Variants in LURAP1L observed in about 807,000 individuals in gnomAD.
LURAP1L encodes leucine rich adaptor protein 1-like.
In LURAP1L, 12 loss-of-function variants were observed where a neutral mutation model predicts 13.8. The ratio of observed to expected loss-of-function variants is 0.87; its 90% CI spans 0.56 to 1.41. The LOEUF (loss-of-function observed/expected upper bound fraction) is 1.41. Among genes scored for constraint, LURAP1L ranks in the 40% most tolerant of loss-of-function variants. LURAP1L has a pLI of 0.00. For missense variants in LURAP1L, 375 were observed against 292.9 expected, an observed-to-expected ratio of 1.28 and a Z score of -2.04; for synonymous variants, 139 against 119.2, an observed-to-expected ratio of 1.17 and a Z score of -1.08.
At chr9:12,787,457 T>C (rs1819373475) in intron 1 of LURAP1L, among the ~76,000 whole-genome samples, 1 of 152,010 alleles carries the variant, frequency 6.6e-6, no homozygotes, top group Non-Finnish European at 1.5e-5. Flanking sequence ...TATAAAAAAA[T>C]TGCAGCTGAT....
At chr9:12,820,878 TTA>T (rs1346410644) in intron 1 of LURAP1L, among the ~76,000 whole-genome samples, 1 of 152,170 alleles carries the variant, frequency 6.6e-6, no homozygotes, top group Non-Finnish European at 1.5e-5. Flanking sequence ...TCATACAGTG[TTA>T]TTAGATTTTG....
intron 1 of LURAP1L, among the ~76,000 whole-genome samples, chr9:12,815,587 A>T (rs181474459): frequency 9.7e-4 from 148 of 152,174 alleles, no homozygotes; most frequent in African/African-American, 3.4e-3. Flanking sequence ...GATGGTTGGG[A>T]TTTACATCTT....
At chr9:12,802,438 C>A (rs1213067134) in intron 1 of LURAP1L, among the ~76,000 whole-genome samples, 1 of 152,096 alleles carries the variant, frequency 6.6e-6, no homozygotes, top group Non-Finnish European at 1.5e-5. Flanking sequence ...TGTGACACAT[C>A]CCCCACTCTC....
At chr9:12,800,484 T>C (rs113073004) in intron 1 of LURAP1L, among the ~76,000 whole-genome samples, 3 of 151,972 alleles carry the variant, frequency 2.0e-5, no homozygotes, top group African/African-American at 4.8e-5. Context: ...TTTACTACAC[T>C]GTCTTCATTA....
At chr9:12,785,426 G>T (rs1033463137) in intron 1 of LURAP1L, among the ~76,000 whole-genome samples, 1 of 152,058 alleles carries the variant, frequency 6.6e-6, no homozygotes, top group African/African-American at 2.4e-5. Flanking sequence ...CACAGTACCA[G>T]AACTTGCCTG....
intron 1 of LURAP1L, among the ~76,000 whole-genome samples, chr9:12,801,403 C>T (rs1353570681): frequency 1.3e-5 from 2 of 151,912 alleles, no homozygotes; most frequent in Non-Finnish European, 2.9e-5. Context: ...GGAATCCATA[C>T]CCCAGTTCCT....
chr9:12,791,119 T>C (rs1194589162), intron 1 of LURAP1L, among the ~76,000 whole-genome samples: 2 of 152,118 alleles, frequency 1.3e-5, no homozygotes, highest in African/African-American at 4.8e-5. Context: ...AGCAAGCTTA[T>C]AGTGAGCATC....
rs569270545 is a variant in LURAP1L at position 12,820,452 on chromosome 9, G to A, written c.313-934G>A. ...CAGGAGGCGGAGCTTGCAGTGAGCC[G>A]AGATTCCGCCACTGCACTCCAGCCT... is the stretch of plus-strand genomic sequence containing the variant. On this transcript the variant is annotated intron_variant, in intron 1 of 1. Transcript: ENST00000319264. Among the ~76,000 whole-genome samples the A allele has an allele frequency of 3.8e-4, 53 of 140,564 alleles. 3 individuals are homozygous for A. The South Asian group carries it at 0.012, about 32-fold the overall frequency. 92.2% of individuals were successfully genotyped at this position (140,564 alleles called of 152,430 possible).
At chr9:12,777,394 C>T in intron 1 of LURAP1L, 1 of 985,134 alleles carries the variant, frequency 1.0e-6, no homozygotes, top group Non-Finnish European at 1.2e-6. Flanking sequence ...AACTATTTTC[C>T]ACAAGAAAAT....
At position 12,775,752 on chromosome 9, in the gene LURAP1L, G is replaced by A. The variant is rs1380760241; in HGVS notation, c.37G>A (p.Glu13Lys). 1.9e-6 allele frequency: 3 copies of A among 1,604,322 alleles called. No individual in the cohort carries two copies. The highest frequency in any genetic ancestry group is 1.8e-5 in the Admixed American group (1 of 56,538). The part of the protein sequence containing the change: ...DSPLPDLRDI[E>K]LKLGRKVPES... ...CCCGCTGCCAGACCTCAGAGACATC[G>A]AGCTGAAGCTGGGGCGCAAAGTACC... Residue 13 changes from glutamate (E) to lysine (K), a missense_variant, in exon 1 of 2, where the codon GAG (glutamate) becomes AAG (lysine). Coordinates refer to ENST00000319264, the MANE Select transcript of LURAP1L (RefSeq NM_203403.2).
intron 1 of LURAP1L, among the ~76,000 whole-genome samples, chr9:12,812,967 G>A (rs1586886858): frequency 1.3e-5 from 2 of 151,904 alleles, no homozygotes; most frequent in South Asian, 2.1e-4. Context: ...AAAAACTTTG[G>A]TATAAATATT....
chr9:12,775,990 G>C lies in LURAP1L; in HGVS notation c.275G>C (p.Arg92Thr). 3 of 1,610,300 alleles carry C rather than the reference G, an allele frequency of 1.9e-6. No individual in the cohort carries two copies. The highest frequency in any genetic ancestry group is 2.5e-6 in the Non-Finnish European group (3 of 1,178,630). ...PRGSHSSALE[R>T]LETKLHLLRQ... ...GGTAGCCACTCTAGCGCCCTGGAGA[G>C]GCTAGAAACCAAGCTTCACCTCCTC... The change falls in exon 1 of 2, where the codon AGG (arginine) becomes ACG (threonine). Residue 92 changes from arginine to threonine, a missense_variant. By Grantham distance (71) the Arg-to-Thr change is moderately conservative. Transcript: ENST00000319264.
At chr9:12,776,427 G>A (rs1173226504) in intron 1 of LURAP1L, among the ~76,000 whole-genome samples, 1 of 152,128 alleles carries the variant, frequency 6.6e-6, no homozygotes, top group African/African-American at 2.4e-5. Context: ...TCAAAAGGTG[G>A]CTCAGTCCAA....
chr9:12,815,446 T>C (rs185657166), intron 1 of LURAP1L, among the ~76,000 whole-genome samples: 19 of 152,272 alleles, frequency 1.2e-4, no homozygotes, highest in African/African-American at 4.3e-4. Context: ...CGATGATTAG[T>C]TTCTCCTAAT....
At chr9:12,798,837 G>T (rs1031762212) in intron 1 of LURAP1L, among the ~76,000 whole-genome samples, 3 of 152,156 alleles carry the variant, frequency 2.0e-5, no homozygotes, top group African/African-American at 7.2e-5. Flanking sequence ...AGCAAAATGT[G>T]CGAGTGACCC....
intron 1 of LURAP1L, among the ~76,000 whole-genome samples, chr9:12,802,490 G>C (rs1819600382): frequency 6.6e-6 from 1 of 152,072 alleles, no homozygotes; most frequent in South Asian, 2.1e-4. Flanking sequence ...CTCTCCTTTT[G>C]CCTTCCTCCA....
intron 1 of LURAP1L, among the ~76,000 whole-genome samples, chr9:12,789,975 C>T (rs1471277135): frequency 6.6e-6 from 1 of 152,098 alleles, no homozygotes; most frequent in Non-Finnish European, 1.5e-5. Context: ...AATAATAATA[C>T]ACAAGAAGCC....
intron 1 of LURAP1L, among the ~76,000 whole-genome samples, chr9:12,804,478 G>A (rs1230725182): frequency 6.6e-6 from 1 of 151,902 alleles, no homozygotes; most frequent in Non-Finnish European, 1.5e-5. Context: ...CAGTAGGTGG[G>A]ATTACAGGTA....
chr9:12,787,431 A>G (rs1253479003), intron 1 of LURAP1L, among the ~76,000 whole-genome samples: 1 of 152,158 alleles, frequency 6.6e-6, no homozygotes, highest in African/African-American at 2.4e-5. Context: ...CCATTCAGAG[A>G]GAGTTAGTCT....
Sources: gnomAD v4.1 joint callset for allele counts (sites outside exome capture counted in the v4.1 genomes callset) on GRCh38, gnomAD v4.1.1 for gene constraint, MANE v1.5 for transcripts, NCBI Gene and HGNC (gene_info 2026-07-23, HGNC 2026-07-21) for gene names.